The following MCPH1 variants were observed in gnomAD, a reference collection of about 807,000 sequenced individuals.
MCPH1 encodes microcephalin.
A neutral mutation model predicts 84.5 loss-of-function variants in MCPH1; 104 were observed. That is an observed-to-expected ratio of 1.23 (90% confidence interval 1.05 to 1.45). The LOEUF (loss-of-function observed/expected upper bound fraction) is 1.45. MCPH1 is among the 40% of genes most tolerant of loss of function. The probability of loss-of-function intolerance (pLI) is 0.00; values close to 1 mark genes in which losing one functional copy is unlikely to be tolerated. For synonymous variants in MCPH1, 514 were observed against 366.8 expected, an observed-to-expected ratio of 1.40 and a Z score of -4.58; for missense variants, 1,498 against 1,005.7, an observed-to-expected ratio of 1.49 and a Z score of -6.62.
rs376996626 is a variant in MCPH1 at position 6,480,817 on chromosome 8, C to T, written c.2077C>T (p.Arg693Cys). Residue 693 changes from arginine to cysteine, a missense_variant, in exon 11 of 14, where the codon CGC becomes TGC. By Grantham distance (180) the Arg-to-Cys change is radical (BLOSUM62 -3). Coordinates refer to ENST00000344683, the MANE Select transcript of MCPH1 (RefSeq NM_024596.5). ...TCACGTGCTTTCCGGGAAGCCACTTCGCACCCTGAATGTGCTGCTGGGAAT... is the reference window on the plus strand; with the variant it reads ...TCACGTGCTTTCCGGGAAGCCACTTTGCACCCTGAATGTGCTGCTGGGAAT... ...TTHVLSGKPLRTLNVLLGIAR... is the reference protein window; with the variant it reads ...TTHVLSGKPLCTLNVLLGIAR... 176 of 1,614,192 alleles carry T rather than the reference C, an allele frequency of 1.1e-4. No homozygotes were observed. The Middle Eastern group carries it at 1.2e-3, about 11-fold the overall frequency.
At chr8:6,458,867 A>T (rs923262008) in intron 9 of MCPH1, among the ~76,000 whole-genome samples, 1 of 152,126 alleles carries the variant, frequency 6.6e-6, no homozygotes, top group African/African-American at 2.4e-5. Context: ...GCTGGTCTCG[A>T]ACTCCTGACC....
At chr8:6,557,702 C>CAG (rs1174723866) in intron 12 of MCPH1, among the ~76,000 whole-genome samples, 10 of 151,580 alleles carry the variant, frequency 6.6e-5, no homozygotes, top group Non-Finnish European at 8.8e-5. Flanking sequence ...CACACACACA[C>CAG]ACACACACAC....
At position 6,628,298 on chromosome 8, in the gene MCPH1, G is replaced by A. The variant is rs182481888; in HGVS notation, c.2452+6607G>A. On this transcript the variant is annotated intron_variant, in intron 13 of 13. Transcript: ENST00000344683. The stretch of plus-strand genomic sequence containing the variant: ...ATCCTGGCTAACACAGTGAAACCCC[G>A]TCTCTATTAAAAATACAGAAAAATT... 3.9e-4 allele frequency among the ~76,000 whole-genome samples: 59 copies of A among 151,876 alleles called. No individual in the cohort carries two copies. The East Asian group carries it at 9.3e-3, about 24-fold the overall frequency.
At position 6,577,395 on chromosome 8, in the gene MCPH1, C is replaced by G. The variant is rs115965855; in HGVS notation, c.2215-44059C>G. Among the ~76,000 whole-genome samples, 934 of 152,358 alleles carry G rather than the reference C, an allele frequency of 6.1e-3. 12 individuals are homozygous for G. The highest frequency in any genetic ancestry group is 0.021 in the African/African-American group (876 of 41,582). ...AATCAAATTATCAAATGCACACTAC[C>G]TGATCCAGAATAGATCGTCCTGGGG... is the stretch of plus-strand genomic sequence containing the variant. On this transcript the variant is annotated intron_variant, in intron 12 of 13. Transcript: ENST00000344683.
chr8:6,566,564 C>T (rs1314535767), intron 12 of MCPH1, among the ~76,000 whole-genome samples: 1 of 152,088 alleles, frequency 6.6e-6, no homozygotes, highest in Non-Finnish European at 1.5e-5. Context: ...GCACACAGCA[C>T]GGTGACCATG....
chr8:6,549,739 C>T (rs145307382), intron 12 of MCPH1, among the ~76,000 whole-genome samples: 372 of 151,818 alleles, frequency 2.5e-3, no homozygotes, highest in African/African-American at 8.5e-3. Context: ...TGAGGAGGGG[C>T]GTGAGGGAGC....
At position 6,477,932 on chromosome 8, in the gene MCPH1, C is replaced by G. The variant is rs73661774; in HGVS notation, c.1973+301C>G. Among the ~76,000 whole-genome samples the G allele has an allele frequency of 0.014, 2,179 of 152,226 alleles. 57 individuals carry two copies. Among genetic ancestry groups the G allele is most frequent in the African/African-American group, 0.051 (2,097 of 41,512 alleles). On this transcript the variant is annotated intron_variant, in intron 10 of 13. Transcript: ENST00000344683. ...GTTCAAGAAGTGGAACATCATTGAC[C>G]AAAACATTTCCCTTAAAGGTCTTAA...
chr8:6,484,613 A>G (rs1809634981), intron 11 of MCPH1, among the ~76,000 whole-genome samples: 1 of 152,230 alleles, frequency 6.6e-6, no homozygotes, highest in Admixed American at 6.5e-5. Context: ...GGACCTGGAA[A>G]CAGCACAGCT....
chr8:6,641,132 G>A (rs185410334), intron 13 of MCPH1, among the ~76,000 whole-genome samples: 5 of 151,682 alleles, frequency 3.3e-5, no homozygotes, highest in African/African-American at 7.3e-5. Flanking sequence ...TAAACATGTC[G>A]TTTTCTTTTT....
intron 12 of MCPH1, among the ~76,000 whole-genome samples, chr8:6,600,022 G>A (rs1052336669): frequency 5.9e-5 from 9 of 152,140 alleles, no homozygotes; most frequent in African/African-American, 1.9e-4. Context: ...GCTAGGAAGC[G>A]GTCAATAAAG....
intron 12 of MCPH1, among the ~76,000 whole-genome samples, chr8:6,573,848 C>T (rs2129576604): frequency 6.6e-6 from 1 of 152,282 alleles, no homozygotes; most frequent in Non-Finnish European, 1.5e-5. Context: ...CAAGCTCACC[C>T]TTTTGGGTTT....
chr8:6,647,293 T>C lies in MCPH1; in HGVS notation c.*4244T>C, dbSNP rs562598786. On this transcript the variant is annotated 3_prime_UTR_variant, in exon 14 of 14. Transcript: ENST00000344683. ...ATAATTCCAACATCTGACCAAGATA[T>C]GGAGAAACTAGAACTCTCCTACATT... 2.6e-5 allele frequency: 4 copies of C among 152,338 alleles called. No homozygotes were observed. Among genetic ancestry groups the C allele is most frequent in the African/African-American group, 9.6e-5 (4 of 41,586 alleles). The allele number at this position is 152,338 out of a possible 1,614,324, so 9.4% of individuals were successfully genotyped here.
intron 11 of MCPH1, 63 bp downstream of exon 11, chr8:6,480,939 G>T: frequency 1.3e-6 from 2 of 1,586,188 alleles, no homozygotes; most frequent in Non-Finnish European, 1.7e-6. Flanking sequence ...GGGTCACCCT[G>T]AGGTGCCGAC....
chr8:6,425,357 T>G (rs1342611645), intron 3 of MCPH1, among the ~76,000 whole-genome samples: 1 of 152,214 alleles, frequency 6.6e-6, no homozygotes, highest in African/African-American at 2.4e-5. Context: ...ACTGGAAGCT[T>G]TTTTGTCTGT....
intron 9 of MCPH1, among the ~76,000 whole-genome samples, chr8:6,464,363 C>T (rs958834559): frequency 5.3e-5 from 8 of 152,312 alleles, no homozygotes; most frequent in African/African-American, 1.9e-4. Flanking sequence ...CTAACAGTTG[C>T]TTTCAGCCCC....
rs1554476435 is a variant in MCPH1 at position 6,609,828 on chromosome 8, C to CCACA, written c.2215-11621_2215-11618dup. Reference sequence around the variant, plus strand: ...CAAAGCAATGCCCCCCGCCCCCCCCCCACACACAGACTGCCAGGTAAACCA... The same window carrying CCACA: ...CAAAGCAATGCCCCCCGCCCCCCCCCCACACACACACAGACTGCCAGGTAAACCA... On this transcript the variant is annotated intron_variant, in intron 12 of 13. Coordinates refer to ENST00000344683, the MANE Select transcript of MCPH1 (RefSeq NM_024596.5). 3.6e-4 allele frequency among the ~76,000 whole-genome samples: 39 copies of CCACA among 108,528 alleles called. 1 individual carries two copies. Among genetic ancestry groups the CCACA allele is most frequent in the Non-Finnish European group, 5.5e-4 (25 of 45,334 alleles). 71.2% of individuals were successfully genotyped at this position (108,528 alleles called of 152,430 possible).
At chr8:6,544,591 G>A (rs1388287799) in intron 12 of MCPH1, among the ~76,000 whole-genome samples, 2 of 151,978 alleles carry the variant, frequency 1.3e-5, no homozygotes, top group East Asian at 1.9e-4. Flanking sequence ...TGTATTGGAG[G>A]GGGAGAGGGT....
At position 6,444,778 on chromosome 8, in the gene MCPH1, C is replaced by T. The variant is rs1804032039; in HGVS notation, c.1056C>T (p.Ser352=). Residue 352 remains serine, a synonymous_variant, in exon 8 of 14, where the codon TCC becomes TCT. Coordinates refer to ENST00000344683, the MANE Select transcript of MCPH1 (RefSeq NM_024596.5). ...HLLIHSRPRS[S]SVKRKRVSHG... is the part of the protein sequence containing the mutation. ...TGATACATTCAAGACCCAGGAGTTC[C>T]TCAGTAAAGAGAAAAAGAGTATCAC... is the stretch of plus-strand genomic sequence containing the variant. 2.5e-6 allele frequency: 4 copies of T among 1,614,048 alleles called. No homozygotes were observed. The East Asian group carries it at 8.9e-5, about 36-fold the overall frequency.
intron 12 of MCPH1, among the ~76,000 whole-genome samples, chr8:6,544,895 T>C (rs897077325): frequency 1.3e-5 from 2 of 152,210 alleles, no homozygotes; most frequent in African/African-American, 4.8e-5. Context: ...AACATCAGAT[T>C]CTTTGGTCAG....
Sources: gnomAD v4.1 joint callset for allele counts (sites outside exome capture counted in the v4.1 genomes callset) on GRCh38, gnomAD v4.1.1 for gene constraint, MANE v1.5 for transcripts, NCBI Gene and HGNC (gene_info 2026-07-23, HGNC 2026-07-21) for gene names.